Variants in LRBA observed in about 807,000 individuals in gnomAD.
LRBA encodes the protein LPS responsive beige-like anchor protein, also known as lipopolysaccharide-responsive and beige-like anchor protein.
In LRBA, 176 loss-of-function variants were observed where a neutral mutation model predicts 330.0. The ratio of observed to expected loss-of-function variants is 0.53; its 90% CI spans 0.47 to 0.60. LRBA has a LOEUF of 0.60. LRBA is among the 20% of genes least tolerant of loss of function. LRBA has a pLI of 0.00. For synonymous variants in LRBA, 1,230 were observed against 1,193.0 expected (o/e 1.03, Z -0.64); for missense variants, 3,259 against 3,444.8 (o/e 0.95, Z 1.35).
intron 47 of LRBA, among the ~76,000 whole-genome samples, chr4:150,373,042 G>C (rs911834057): frequency 6.6e-6 from 1 of 151,766 alleles, no homozygotes; most frequent in African/African-American, 2.4e-5. Context: ...TCAACAATGC[G>C]AGACATTTTG....
At position 150,459,680 on chromosome 4, in the gene LRBA, A is replaced by G. The variant is rs1754523358; in HGVS notation, c.6780+7993T>C. Among the ~76,000 whole-genome samples, 3 of 151,944 alleles carry G rather than the reference A, an allele frequency of 2.0e-5. No homozygotes were observed. The South Asian group carries it at 6.2e-4, about 31-fold the overall frequency. ...TACAAATACGTTGGGAACTCTCCCCATATCATTTTTATGCTTATTAGACTG... is the reference window on the plus strand; with the variant it reads ...TACAAATACGTTGGGAACTCTCCCCGTATCATTTTTATGCTTATTAGACTG... On this transcript the variant is annotated intron_variant, in intron 44 of 56. Transcript: ENST00000651943.
intron 35 of LRBA, among the ~76,000 whole-genome samples, chr4:150,740,026 A>ATATT (rs1731740726): frequency 6.6e-6 from 1 of 152,246 alleles, no homozygotes; most frequent in Non-Finnish European, 1.5e-5. Flanking sequence ...AGTTGTGATA[A>ATATT]TATTGTTAAC....
intron 47 of LRBA, among the ~76,000 whole-genome samples, chr4:150,403,071 C>T (rs577678506): frequency 2.6e-5 from 4 of 152,300 alleles, no homozygotes; most frequent in South Asian, 2.1e-4. Context: ...AGTCATTTAT[C>T]GGGTAACCCT....
chr4:150,666,019 G>T (rs1397206287), intron 37 of LRBA, among the ~76,000 whole-genome samples: 1 of 152,122 alleles, frequency 6.6e-6, no homozygotes, highest in African/African-American at 2.4e-5. Context: ...GATAATGTAA[G>T]CTTATCTAGA....
intron 42 of LRBA, among the ~76,000 whole-genome samples, chr4:150,487,241 C>A (rs890930986): frequency 6.6e-6 from 1 of 150,624 alleles, no homozygotes; most frequent in Non-Finnish European, 1.5e-5. Context: ...TATTTATACA[C>A]ACATATACCA....
chr4:150,871,204 C>G, intron 19 of LRBA, 141 bp downstream of exon 19: 1 of 486,200 alleles, frequency 2.1e-6, no homozygotes, highest in Non-Finnish European at 3.8e-6. Context: ...GACTGTACCA[C>G]TGCACTCCAG....
At chr4:150,438,537 A>C (rs74684993) in intron 44 of LRBA, among the ~76,000 whole-genome samples, 5,713 of 152,202 alleles carry the variant, frequency 0.038, 226 homozygotes, top group African/African-American at 0.084. Context: ...AAAGATACAC[A>C]ACAGTCTTTT....
chr4:150,445,600 T>C (rs558618546), intron 44 of LRBA, among the ~76,000 whole-genome samples: 2 of 151,948 alleles, frequency 1.3e-5, no homozygotes, highest in South Asian at 2.1e-4. Context: ...TTAGTAAAAA[T>C]AGTTATTTTA....
intron 33 of LRBA, 111 bp downstream of exon 33, chr4:150,806,151 AAACCTTGTC>A: frequency 1.4e-5 from 9 of 664,864 alleles, no homozygotes; most frequent in Non-Finnish European, 2.1e-5. Flanking sequence ...AGCCTATGAG[AAACCTTGTC>A]AAAGGCTGAC....
chr4:150,491,769 A>G (rs1258020916), intron 40 of LRBA, among the ~76,000 whole-genome samples: 1 of 152,092 alleles, frequency 6.6e-6, no homozygotes, highest in Non-Finnish European at 1.5e-5. Flanking sequence ...GTCCTAACCC[A>G]CTTTGTTGCT....
intron 30 of LRBA, among the ~76,000 whole-genome samples, chr4:150,826,152 G>T (rs546826297): frequency 1.3e-5 from 2 of 152,212 alleles, no homozygotes; most frequent in South Asian, 4.1e-4. Context: ...AAGTAAAAAA[G>T]AATCTAAGGC....
chr4:150,600,717 T>C (rs1287041231), intron 37 of LRBA, among the ~76,000 whole-genome samples: 2 of 152,094 alleles, frequency 1.3e-5, no homozygotes, highest in Non-Finnish European at 2.9e-5. Flanking sequence ...AATAAAAACA[T>C]GATGATATTA....
At chr4:150,614,152 A>G (rs1775542640) in intron 37 of LRBA, among the ~76,000 whole-genome samples, 1 of 152,190 alleles carries the variant, frequency 6.6e-6, no homozygotes, top group Admixed American at 6.5e-5. Context: ...ATAGTTAATG[A>G]TTAAAGGCTT....
At chr4:150,436,590 T>C in intron 45 of LRBA, 134 bp downstream of exon 45, 1 of 652,774 alleles carries the variant, frequency 1.5e-6, no homozygotes, top group Non-Finnish European at 2.5e-6. Flanking sequence ...TAGAGATATT[T>C]ATAATTAGAA....
chr4:150,414,882 C>T (rs1005614871), intron 47 of LRBA, among the ~76,000 whole-genome samples: 1 of 152,164 alleles, frequency 6.6e-6, no homozygotes, highest in African/African-American at 2.4e-5. Flanking sequence ...ATATTAGTGT[C>T]TCGAAAATAA....
intron 47 of LRBA, among the ~76,000 whole-genome samples, chr4:150,377,499 T>A (rs778763593): frequency 1.3e-5 from 2 of 152,282 alleles, no homozygotes; most frequent in Non-Finnish European, 2.9e-5. Flanking sequence ...CAAAGTAGGA[T>A]TTGATTAAAA....
At chr4:151,002,082 T>C (rs551754084) in intron 2 of LRBA, among the ~76,000 whole-genome samples, 21 of 150,102 alleles carry the variant, frequency 1.4e-4, no homozygotes, top group African/African-American at 4.9e-4. Context: ...ACATCATAGA[T>C]ACGTCTTCAA....
intron 49 of LRBA, 80 bp downstream of exon 49, chr4:150,325,729 A>G (rs1733154034): frequency 2.0e-6 from 2 of 982,786 alleles, no homozygotes; most frequent in East Asian, 2.4e-5. Context: ...GAGAAACTCA[A>G]GCACAATGAA....
chr4:150,493,118 C>T (rs1270106048), intron 40 of LRBA, among the ~76,000 whole-genome samples: 1 of 152,124 alleles, frequency 6.6e-6, no homozygotes, highest in Non-Finnish European at 1.5e-5. Context: ...GTAGCTGGGA[C>T]TACAAGCACG....
Sources: allele counts gnomAD v4.1 joint callset (sites outside exome capture counted in the v4.1 genomes callset), GRCh38; gene constraint gnomAD v4.1.1; transcripts MANE v1.5; gene names NCBI Gene and HGNC (gene_info 2026-07-23, HGNC 2026-07-21).